The following KDM8 variants were observed in gnomAD, a reference collection of about 807,000 sequenced individuals.
The protein encoded by KDM8 is bifunctional peptidase and arginyl-hydroxylase JMJD5.
KDM8 carries 35 observed loss-of-function variants against 46.9 expected under a neutral mutation model. The ratio of observed to expected loss-of-function variants is 0.75; its 90% CI spans 0.57 to 0.99. The LOEUF is 0.99. Ranked by LOEUF, KDM8 falls within the 50% of genes least tolerant of loss-of-function variation. The pLI is 0.00. For missense variants in KDM8, 475 were observed against 537.0 expected, an observed-to-expected ratio of 0.88 and a Z score of 1.14; for synonymous variants, 232 against 227.7, an observed-to-expected ratio of 1.02 and a Z score of -0.17.
At chr16:27,219,191 C>A in intron 6 of KDM8, 81 bp downstream of exon 6, 1 of 1,385,838 alleles carries the variant, frequency 7.2e-7, no homozygotes, top group Non-Finnish European at 9.7e-7. Flanking sequence ...TGCCTTTAAA[C>A]ACCGGGCTCT....
intron 5 of KDM8, among the ~76,000 whole-genome samples, chr16:27,217,724 C>A (rs1173483480): frequency 1.3e-5 from 2 of 152,230 alleles, no homozygotes; most frequent in African/African-American, 2.4e-5. Flanking sequence ...TCACTGCTCC[C>A]GAAGGAATGG....
At chr16:27,213,426 A>G in intron 2 of KDM8, 159 bp from the exon 3 acceptor site, 1 of 669,098 alleles carries the variant, frequency 1.5e-6, no homozygotes, top group Non-Finnish European at 2.5e-6. Context: ...AGGAGCAAAT[A>G]GTAATAGTAG....
chr16:27,213,453 C>G, intron 2 of KDM8, 132 bp from the exon 3 acceptor site: 1 of 833,802 alleles, frequency 1.2e-6, no homozygotes, highest in East Asian at 2.6e-5. Flanking sequence ...TAATAACAAA[C>G]GTTGTCTATT....
At chr16:27,216,241 G>A (rs895915526) in intron 5 of KDM8, 3 of 560,376 alleles carry the variant, frequency 5.4e-6, no homozygotes, top group African/African-American at 3.8e-5. Flanking sequence ...CGGAGCGGGT[G>A]GCTGGCTGGG....
At chr16:27,203,797 C>T (rs2083398638) in intron 1 of KDM8, 161 bp downstream of exon 1, 1 of 368,014 alleles carries the variant, frequency 2.7e-6, no homozygotes, top group Non-Finnish European at 5.0e-6. Context: ...TTGCCGCATG[C>T]GCTCTGAGAA....
intron 1 of KDM8, among the ~76,000 whole-genome samples, chr16:27,209,314 C>T (rs967624379): frequency 9.2e-5 from 14 of 152,196 alleles, no homozygotes; most frequent in Admixed American, 2.6e-4. Flanking sequence ...GCAACCTTTG[C>T]CCCCAGGCTT....
rs768756468 is a variant in KDM8 at position 27,210,624 on chromosome 16, A to G, written c.498+3A>G. 2 of 1,506,220 alleles carry G rather than the reference A, an allele frequency of 1.3e-6. No homozygotes were observed. The highest frequency in any genetic ancestry group is 1.4e-5 in the African/African-American group (1 of 71,630). 93.3% of individuals were successfully genotyped at this position (1,506,220 alleles called of 1,614,324 possible). On this transcript the variant is annotated splice_donor_region_variant and intron_variant, in intron 2 of 7. Coordinates refer to ENST00000286096, the MANE Select transcript of KDM8 (RefSeq NM_024773.3). ...TCCCAGAGCAACCCTGCACAAAGGT[A>G]TGTGGGGGAGATTCTCCCCAAGCAC...
At chr16:27,207,410 C>T (rs1170553108) in intron 1 of KDM8, among the ~76,000 whole-genome samples, 1 of 152,142 alleles carries the variant, frequency 6.6e-6, no homozygotes, top group African/African-American at 2.4e-5. Context: ...CTCCATCTCA[C>T]AAAACTGCTT....
At chr16:27,208,145 G>C (rs1378296614) in intron 1 of KDM8, among the ~76,000 whole-genome samples, 1 of 152,228 alleles carries the variant, frequency 6.6e-6, no homozygotes, top group African/African-American at 2.4e-5. Flanking sequence ...ACAGTATTAG[G>C]AGGCCATCTT....
At chr16:27,218,554 G>A (rs1445770026) in intron 5 of KDM8, among the ~76,000 whole-genome samples, 5 of 152,228 alleles carry the variant, frequency 3.3e-5, no homozygotes, top group African/African-American at 4.8e-5. Context: ...AAACTAGGAC[G>A]GCAAGGGCCG....
At chr16:27,209,256 C>G (rs1242719914) in intron 1 of KDM8, among the ~76,000 whole-genome samples, 2 of 152,186 alleles carry the variant, frequency 1.3e-5, no homozygotes, top group East Asian at 3.8e-4. Context: ...TAATTTGAGT[C>G]AGGATCTTGC....
At chr16:27,211,389 C>T (rs574227558) in intron 2 of KDM8, 2 of 351,422 alleles carry the variant, frequency 5.7e-6, no homozygotes, top group Non-Finnish European at 1.1e-5. Context: ...TCTCTCCCAC[C>T]CCTTGGGTCT....
chr16:27,205,847 AAAT>A (rs1318266072), intron 1 of KDM8, among the ~76,000 whole-genome samples: 1 of 152,188 alleles, frequency 6.6e-6, no homozygotes, highest in African/African-American at 2.4e-5. Flanking sequence ...AAAAAAATAA[AAAT>A]AAAAAAACCT....
chr16:27,212,683 G>A (rs551731383), intron 2 of KDM8, among the ~76,000 whole-genome samples: 43 of 152,294 alleles, frequency 2.8e-4, no homozygotes, highest in African/African-American at 8.7e-4. Flanking sequence ...GTAGTGAGCC[G>A]AGATTGTGCC....
intron 2 of KDM8, among the ~76,000 whole-genome samples, chr16:27,212,546 C>T (rs556639801): frequency 3.9e-5 from 6 of 152,308 alleles, no homozygotes; most frequent in Non-Finnish European, 7.4e-5. Context: ...CCAGCCTGGC[C>T]CACATGGTGA....
chr16:27,220,247 T>C (rs947836592), intron 6 of KDM8, 146 bp from the exon 7 acceptor site: 2 of 717,122 alleles, frequency 2.8e-6, no homozygotes, highest in African/African-American at 1.8e-5. Context: ...AAGAAAAACA[T>C]ACACGTGGAA....
intron 1 of KDM8, among the ~76,000 whole-genome samples, chr16:27,208,378 G>A (rs1042081918): frequency 6.6e-5 from 10 of 152,316 alleles, no homozygotes; most frequent in African/African-American, 1.4e-4. Context: ...GTGAGGGGCC[G>A]TTTTATAAGG....
chr16:27,216,149 T>C, intron 5 of KDM8, 160 bp downstream of exon 5: 2 of 713,692 alleles, frequency 2.8e-6, no homozygotes, highest in Non-Finnish European at 4.8e-6. Context: ...GCCATTTTCC[T>C]AAAGTGACAG....
chr16:27,210,344 A>G lies in KDM8; in HGVS notation c.221A>G (p.Tyr74Cys), dbSNP rs768365346. The change falls in exon 2 of 8, where the codon TAC becomes TGC. Residue 74 changes from tyrosine (Y) to cysteine (C), a missense_variant. Tyr to Cys is a radical substitution (Grantham distance 194). Coordinates refer to ENST00000286096, the MANE Select transcript of KDM8 (RefSeq NM_024773.3). Reference protein sequence around the residue: ...CLQSSEVILDYSWEKLNTGTW... With the variant: ...CLQSSEVILDCSWEKLNTGTW... ...CAGAGCAGCGAGGTGATCCTGGACT[A>G]CTCCTGGGAGAAGCTCAACACGGGC... 7 of 1,613,110 alleles carry G rather than the reference A, an allele frequency of 4.3e-6. No individual in the cohort carries two copies. The highest frequency in any genetic ancestry group is 5.1e-6 in the Non-Finnish European group (6 of 1,180,020).
Sources: gnomAD v4.1 joint callset for allele counts (sites outside exome capture counted in the v4.1 genomes callset) on GRCh38, gnomAD v4.1.1 for gene constraint, MANE v1.5 for transcripts, NCBI Gene and HGNC (gene_info 2026-07-23, HGNC 2026-07-21) for gene names.